Variants in PRKAG3 observed in about 807,000 individuals in gnomAD.
PRKAG3 encodes protein kinase AMP-activated non-catalytic subunit gamma 3, also known as 5'-AMP-activated protein kinase subunit gamma-3.
In PRKAG3, 39 loss-of-function variants were observed where a neutral mutation model predicts 56.5. That is an observed-to-expected ratio of 0.69 (90% CI 0.53 to 0.90). The LOEUF (loss-of-function observed/expected upper bound fraction) is 0.90. Among genes scored for constraint, PRKAG3 ranks in the 40% least tolerant of loss-of-function variants. The pLI, the probability that PRKAG3 is intolerant of heterozygous loss-of-function variation, is 0.00. For missense variants in PRKAG3, 628 were observed against 627.5 expected (o/e 1.00, Z -0.01); for synonymous variants, 243 against 250.1 (o/e 0.97, Z 0.27).
chr2:218,825,797 G>GC (rs1360871135), intron 10 of PRKAG3, among the ~76,000 whole-genome samples: 7 of 137,602 alleles, frequency 5.1e-5, no homozygotes, highest in Non-Finnish European at 9.3e-5. Flanking sequence ...TCGCTCTGTT[G>GC]CCAGGCTGGA....
At position 218,827,684 on chromosome 2, in the gene PRKAG3, A is replaced by G; in HGVS notation, c.821-55T>C. 1 of 1,593,168 alleles carries G rather than the reference A, an allele frequency of 6.3e-7. No homozygotes were observed. The highest frequency in any genetic ancestry group is 8.6e-7 in the Non-Finnish European group (1 of 1,161,190). ...GAGCCGGTCACCTGCCTCACCTTGC[A>G]GTCCCAGGCAGCTTCCCTTCCGTCA... On this transcript the variant is annotated intron_variant, in intron 7 of 12. Coordinates refer to ENST00000529249, the Ensembl canonical transcript of PRKAG3. This position sits in a 1 kb window ranked among gnomAD's most constrained non-coding sequence, Gnocchi z 5.3.
At chr2:218,830,159 C>A (rs565420674) in exon 4 of PRKAG3, 1 of 1,614,146 alleles carries the variant, frequency 6.2e-7, no homozygotes. Flanking sequence ...TTCCAGCAGG[C>A]CTTCTAGCTC....
chr2:218,830,744 A>G lies in PRKAG3; in HGVS notation c.229+2T>C. 1 of 1,612,006 alleles carries G rather than the reference A, an allele frequency of 6.2e-7. No individual in the cohort carries two copies. Among genetic ancestry groups the G allele is most frequent in the Non-Finnish European group, 8.5e-7 (1 of 1,179,854 alleles). On this transcript the variant is annotated splice_donor_variant, in intron 3 of 12. Coordinates refer to ENST00000529249, the Ensembl canonical transcript of PRKAG3. LOFTEE classifies it high-confidence loss of function. ...CCTCCCCAGAACTGGCCTTGGCCTC[A>G]CCTTCCCCCTGACCTGGTGGCTCCC... is the stretch of plus-strand genomic sequence containing the variant.
chr2:218,823,811 A>C (rs1230576326), exon 13 of PRKAG3: 1 of 1,614,154 alleles, frequency 6.2e-7, no homozygotes, highest in South Asian at 1.1e-5. Context: ...CAGTGCCTGA[A>C]GGATGTCGGA....
exon 4 of PRKAG3, chr2:218,830,360 G>A (rs1423974360): frequency 6.2e-7 from 1 of 1,608,736 alleles, no homozygotes. Flanking sequence ...GGTGGACTCA[G>A]CAGCTGGCCT....
At chr2:218,831,658 C>CCA in intron 1 of PRKAG3, 80 bp downstream of exon 1, 1 of 1,526,252 alleles carries the variant, frequency 6.6e-7, no homozygotes, top group Non-Finnish European at 8.9e-7. Flanking sequence ...ACACACACGC[C>CCA]CACACACACA....
At chr2:218,831,785 A>G (rs371728259) in exon 1 of PRKAG3, 1 of 1,607,574 alleles carries the variant, frequency 6.2e-7, no homozygotes, top group African/African-American at 1.3e-5. Flanking sequence ...CCAGCCCCAG[A>G]CCAACTGAGA....
chr2:218,827,980 T>C lies in PRKAG3; in HGVS notation c.774+24A>G, dbSNP rs751061935. The C allele has an allele frequency of 6.3e-7, 1 of 1,584,680 alleles. No homozygotes were observed. Among genetic ancestry groups the C allele is most frequent in the Non-Finnish European group, 8.6e-7 (1 of 1,164,106 alleles). ...CCGCCCCCGCCCCTCTGGGTGCCCATAAGATTCCCAGCCCACTCCTCACCA... is the reference window on the plus strand; with the variant it reads ...CCGCCCCCGCCCCTCTGGGTGCCCACAAGATTCCCAGCCCACTCCTCACCA... On this transcript the variant is annotated intron_variant, in intron 6 of 12. Coordinates refer to ENST00000529249, the Ensembl canonical transcript of PRKAG3. This position sits in a 1 kb window ranked among gnomAD's most constrained non-coding sequence, Gnocchi z 5.3.
chr2:218,831,642 C>G, intron 1 of PRKAG3, 96 bp downstream of exon 1: 1 of 1,477,536 alleles, frequency 6.8e-7, no homozygotes, highest in Non-Finnish European at 9.3e-7. Flanking sequence ...AAACACACAC[C>G]AGAAGACACA....
intron 5 of PRKAG3, 51 bp from the exon 6 acceptor site, chr2:218,828,113 C>T (rs780918885): frequency 5.6e-5 from 84 of 1,496,146 alleles, no homozygotes; most frequent in Middle Eastern, 2.0e-4. Flanking sequence ...GGGTGGAAGG[C>T]AGGTTGAGGG....
At position 218,826,877 on chromosome 2, in the gene PRKAG3, G is replaced by C. The variant is rs753813639; in HGVS notation, c.1168+51C>G. ...GCCCTTCCCATATTCTCCCCACCAG[G>C]TTCTCCCAGGCCCCAGCCCAGCCCG... On this transcript the variant is annotated intron_variant, in intron 10 of 12. Coordinates refer to ENST00000529249, the Ensembl canonical transcript of PRKAG3. The C allele has an allele frequency of 7.5e-6, 12 of 1,607,288 alleles. No individual in the cohort carries two copies. The South Asian group carries it at 1.3e-4, about 18-fold the overall frequency.
At chr2:218,825,927 T>C (rs1164684351) in intron 10 of PRKAG3, among the ~76,000 whole-genome samples, 1 of 151,974 alleles carries the variant, frequency 6.6e-6, no homozygotes, top group African/African-American at 2.4e-5. Flanking sequence ...CAGCTAATTT[T>C]TTTTTGTAGT....
downstream of PRKAG3, chr2:218,822,347 G>C (rs1943859157): frequency 6.6e-6 from 1 of 152,166 alleles, no homozygotes; most frequent in East Asian, 1.9e-4. Context: ...GTAAAGAAAA[G>C]AGAAGAAAGA....
At chr2:218,823,567 T>C in exon 13 of PRKAG3, 2 of 1,214,648 alleles carry the variant, frequency 1.6e-6, no homozygotes, top group Non-Finnish European at 1.2e-6. Context: ...GCCACTCCCA[T>C]CCTCAGGGTG....
chr2:218,828,128 A>G (rs1206817629), intron 5 of PRKAG3, 66 bp from the exon 6 acceptor site: 1 of 1,390,190 alleles, frequency 7.2e-7, no homozygotes, highest in African/African-American at 1.4e-5. Context: ...TGAGGGTCAG[A>G]TCCCCTCCCC....
At chr2:218,831,035 C>T (rs1458424538) in intron 2 of PRKAG3, 134 bp from the exon 3 acceptor site, 2 of 1,156,554 alleles carry the variant, frequency 1.7e-6, no homozygotes, top group African/African-American at 1.5e-5. Flanking sequence ...TTAAAACTTA[C>T]AGCAGCCTTA....
exon 13 of PRKAG3, chr2:218,823,788 C>G: frequency 6.2e-7 from 1 of 1,614,106 alleles, no homozygotes; most frequent in Non-Finnish European, 8.5e-7. Context: ...TCGATGCCAG[C>G]AGGGCTGAGC....
At position 218,828,389 on chromosome 2, in the gene PRKAG3, C is replaced by T. The variant is rs969324448; in HGVS notation, c.715+130G>A. The T allele has an allele frequency of 1.6e-5, 16 of 1,012,590 alleles. No homozygotes were observed. The African/African-American group carries it at 1.8e-4, about 11-fold the overall frequency. The allele number at this position is 1,012,590 out of a possible 1,614,324, so 62.7% of individuals were successfully genotyped here. The stretch of plus-strand genomic sequence containing the variant: ...TGCAGACTCCGGATGGACTTTCCTC[C>T]ACCCTGGCCCCTGGCTGGGCTTGGC... On this transcript the variant is annotated intron_variant, in intron 5 of 12. Transcript: ENST00000529249.
rs61756441 is a variant in PRKAG3 at position 218,827,310 on chromosome 2, C to T, written c.939G>A (p.Pro313=). 1,930 of 1,614,082 alleles carry T rather than the reference C, an allele frequency of 1.2e-3. 2 individuals carry two copies. Among genetic ancestry groups the T allele is most frequent in the Non-Finnish European group, 1.5e-3 (1,761 of 1,180,008 alleles). Residue 313 remains proline, a synonymous_variant, in exon 9 of 13, where the codon CCG becomes CCA. Transcript: ENST00000529249. The surrounding 1 kb of genome is among the most constrained non-coding windows in gnomAD (Gnocchi z 5.3). ...GGATGTGGAGTACGTTGCCTGACAC[C>T]GGGTCAAGAACAGGCAGGCGATGGA... is the stretch of plus-strand genomic sequence containing the variant.
Sources: gnomAD v4.1 joint callset for allele counts (sites outside exome capture counted in the v4.1 genomes callset) on GRCh38, gnomAD v4.1.1 for gene constraint, Gnocchi (gnomAD v3.1) non-coding constraint, MANE v1.5 for transcripts, NCBI Gene and HGNC (gene_info 2026-07-23, HGNC 2026-07-21) for gene names.